STAB2: variants seen among roughly 807,000 people sequenced by gnomAD.
STAB2 encodes the protein stabilin 2.
A neutral mutation model predicts 338.1 loss-of-function variants in STAB2; 288 were observed. The observed-to-expected ratio is 0.85, with a 90% CI of 0.77 to 0.94. The LOEUF (loss-of-function observed/expected upper bound fraction) is 0.94, where lower values mean the gene tolerates loss of function less well. STAB2 is among the 40% of genes least tolerant of loss of function. The probability of loss-of-function intolerance (pLI) is 0.00; values close to 1 mark genes in which losing one functional copy is unlikely to be tolerated. For synonymous variants in STAB2, 1,202 were observed against 1,193.3 expected, an observed-to-expected ratio of 1.01 and a Z score of -0.15; for missense variants, 3,141 against 3,210.1, an observed-to-expected ratio of 0.98 and a Z score of 0.52.
At chr12:103,732,285 G>A (rs548246249) in intron 50 of STAB2, among the ~76,000 whole-genome samples, 1 of 152,238 alleles carries the variant, frequency 6.6e-6, no homozygotes, top group East Asian at 1.9e-4. Context: ...CTCCAGCCGG[G>A]GTGACAGAGT....
intron 2 of STAB2, among the ~76,000 whole-genome samples, chr12:103,593,036 A>G (rs1364753494): frequency 1.3e-5 from 2 of 152,164 alleles, no homozygotes; most frequent in African/African-American, 4.8e-5. Flanking sequence ...CAGTGTATGT[A>G]TATACCACAT....
At position 103,669,556 on chromosome 12, in the gene STAB2, A is replaced by G. The variant is rs752392770; in HGVS notation, c.2188A>G (p.Lys730Glu). ...TGTTTTTCAGATTCCAAAGTGCTGC[A>G]AAGGCTTCTATGGACCTGACTGCAA... ...NATVKIPKCC[K>E]GFYGPDCNQC... is the part of the protein sequence containing the mutation. The change falls in exon 21 of 69, where the codon AAA (lysine) becomes GAA (glutamate). Residue 730 changes from lysine to glutamate, a missense_variant. By Grantham distance (56) the Lys-to-Glu change is moderately conservative. Coordinates refer to ENST00000388887, the MANE Select transcript of STAB2 (RefSeq NM_017564.10). 3 of 1,614,234 alleles carry G rather than the reference A, an allele frequency of 1.9e-6. No individual in the cohort carries two copies. The highest frequency in any genetic ancestry group is 1.1e-5 in the South Asian group (1 of 91,086).
chr12:103,614,465 C>A (rs981744740), intron 3 of STAB2, among the ~76,000 whole-genome samples: 1 of 152,192 alleles, frequency 6.6e-6, no homozygotes, highest in Non-Finnish European at 1.5e-5. Flanking sequence ...ACCAAAATAA[C>A]CTAACTGCTG....
intron 3 of STAB2, among the ~76,000 whole-genome samples, chr12:103,618,196 G>A (rs1957240391): frequency 6.6e-6 from 1 of 152,134 alleles, no homozygotes; most frequent in South Asian, 2.1e-4. Context: ...TGTATTAAAA[G>A]GTAAAAGTCT....
intron 3 of STAB2, among the ~76,000 whole-genome samples, chr12:103,618,625 G>T (rs1434289397): frequency 6.6e-6 from 1 of 152,174 alleles, no homozygotes; most frequent in Non-Finnish European, 1.5e-5. Flanking sequence ...CAGGAAGGTG[G>T]TCACTTCAGT....
At chr12:103,619,158 A>C (rs921056906) in intron 3 of STAB2, among the ~76,000 whole-genome samples, 9 of 152,200 alleles carry the variant, frequency 5.9e-5, no homozygotes, top group African/African-American at 2.2e-4. Flanking sequence ...GAATGGACTA[A>C]TACAATTATC....
chr12:103,662,560 A>G (rs1874714422), intron 17 of STAB2, among the ~76,000 whole-genome samples: 1 of 152,224 alleles, frequency 6.6e-6, no homozygotes, highest in Admixed American at 6.5e-5. Context: ...TCTCACAGCA[A>G]GTATATTGCA....
At chr12:103,652,856 A>G in intron 12 of STAB2, 151 bp downstream of exon 12, 1 of 881,548 alleles carries the variant, frequency 1.1e-6, no homozygotes, top group Non-Finnish European at 1.6e-6. Flanking sequence ...ATATAGGAAG[A>G]AACAGACAGC....
chr12:103,591,177 C>CTAAAATATA (rs1283552625), intron 2 of STAB2, 147 bp downstream of exon 2: 1 of 1,079,632 alleles, frequency 9.3e-7, no homozygotes, highest in South Asian at 1.5e-5. Flanking sequence ...GAACTTAAGT[C>CTAAAATATA]TAAAATATAT....
chr12:103,685,354 G>A (rs1472131713), intron 27 of STAB2, among the ~76,000 whole-genome samples: 1 of 152,018 alleles, frequency 6.6e-6, no homozygotes, highest in Non-Finnish European at 1.5e-5. Flanking sequence ...ACTTCCTAAA[G>A]AGCAACTAAC....
At chr12:103,746,986 C>T (rs1225439671) in intron 58 of STAB2, among the ~76,000 whole-genome samples, 1 of 125,872 alleles carries the variant, frequency 7.9e-6, no homozygotes, top group Admixed American at 9.4e-5. Context: ...GATGGACTTT[C>T]ACGCTTGTTG....
intron 3 of STAB2, among the ~76,000 whole-genome samples, chr12:103,608,593 G>A (rs1957071299): frequency 6.6e-6 from 1 of 152,168 alleles, no homozygotes; most frequent in Admixed American, 6.5e-5. Context: ...TTAGCCCTTT[G>A]TCAGATAAGT....
intron 5 of STAB2, among the ~76,000 whole-genome samples, chr12:103,630,584 C>T (rs1413679098): frequency 6.6e-6 from 1 of 152,140 alleles, no homozygotes. Flanking sequence ...GGAGAGTATC[C>T]TGGATTATCC....
intron 33 of STAB2, 138 bp downstream of exon 33, chr12:103,695,982 G>A: frequency 1.2e-6 from 1 of 807,972 alleles, no homozygotes. Flanking sequence ...CTGGTGCAGA[G>A]ACTCTCTCAT....
At chr12:103,641,732 T>C (rs1872941260) in intron 9 of STAB2, among the ~76,000 whole-genome samples, 1 of 152,220 alleles carries the variant, frequency 6.6e-6, no homozygotes, top group African/African-American at 2.4e-5. Context: ...CAGAATAATA[T>C]AAGCTGCTTC....
Position 103,638,217 on chromosome 12 carries a change from G to A in STAB2, c.906+5G>A. The stretch of plus-strand genomic sequence containing the variant: ...AAATATGATGGGCCTGGACAGGTGA[G>A]CAAATGATGCAGGGAACTGATGTAT... On this transcript the variant is annotated splice_donor_5th_base_variant and intron_variant, in intron 8 of 68. Transcript: ENST00000388887. 1 of 1,611,624 alleles carries A rather than the reference G, an allele frequency of 6.2e-7. No individual in the cohort carries two copies. The highest frequency in any genetic ancestry group is 1.1e-5 in the South Asian group (1 of 90,710).
intron 8 of STAB2, 138 bp from the exon 9 acceptor site, chr12:103,639,985 A>T: frequency 9.8e-7 from 1 of 1,016,694 alleles, no homozygotes; most frequent in Non-Finnish European, 1.4e-6. Context: ...TACTTTGACA[A>T]ATTTTTAGTT....
Position 103,650,456 on chromosome 12 carries a change from A to G in STAB2, c.1175-40A>G, listed in dbSNP as rs145457939. Reference sequence around the variant, plus strand: ...TTTACTCCTCCTGTACCACTGACTCATTTGGCGTTTTCTTTCTTTGTGTTA... The same window carrying G: ...TTTACTCCTCCTGTACCACTGACTCGTTTGGCGTTTTCTTTCTTTGTGTTA... On this transcript the variant is annotated intron_variant, in intron 10 of 68. Coordinates refer to ENST00000388887, the MANE Select transcript of STAB2 (RefSeq NM_017564.10). The G allele has an allele frequency of 3.2e-6, 5 of 1,586,606 alleles. No individual in the cohort carries two copies. The East Asian group carries it at 1.1e-4, about 36-fold the overall frequency.
At chr12:103,619,342 C>A (rs1020154745) in intron 3 of STAB2, among the ~76,000 whole-genome samples, 1 of 152,052 alleles carries the variant, frequency 6.6e-6, no homozygotes, top group Non-Finnish European at 1.5e-5. Context: ...TGGCAATAAA[C>A]CCAGGTCAAC....
Sources: allele counts gnomAD v4.1 joint callset (sites outside exome capture counted in the v4.1 genomes callset), GRCh38; gene constraint gnomAD v4.1.1; transcripts MANE v1.5; gene names NCBI Gene and HGNC (gene_info 2026-07-23, HGNC 2026-07-21).